Variants in CDIN1 observed in about 807,000 individuals in gnomAD.
CDIN1 encodes CDAN1 interacting nuclease 1.
A neutral mutation model predicts 45.3 loss-of-function variants in CDIN1; 33 were observed. That is an observed-to-expected ratio of 0.73 (90% confidence interval 0.55 to 0.97). The LOEUF (loss-of-function observed/expected upper bound fraction) is 0.97, where lower values mean the gene tolerates loss of function less well. CDIN1 is among the 50% of genes least tolerant of loss of function. CDIN1 has a pLI of 0.00. For missense variants in CDIN1, 303 were observed against 339.4 expected, an observed-to-expected ratio of 0.89 and a Z score of 0.84; for synonymous variants, 118 against 124.4, an observed-to-expected ratio of 0.95 and a Z score of 0.34.
chr15:36,787,773 C>T (rs1719341980), intron 10 of CDIN1, among the ~76,000 whole-genome samples: 1 of 151,672 alleles, frequency 6.6e-6, no homozygotes, highest in South Asian at 2.1e-4. Context: ...TGAAAAATGT[C>T]CTTTTGTTTT....
intron 5 of CDIN1, among the ~76,000 whole-genome samples, chr15:36,663,477 A>T (rs971044023): frequency 1.3e-5 from 2 of 152,124 alleles, no homozygotes; most frequent in African/African-American, 4.8e-5. Context: ...GAGGTAATTG[A>T]ATCATGGGGG....
intron 5 of CDIN1, among the ~76,000 whole-genome samples, chr15:36,672,927 G>C (rs1442032591): frequency 6.6e-6 from 1 of 152,006 alleles, no homozygotes; most frequent in Non-Finnish European, 1.5e-5. Context: ...TACCTGGCTT[G>C]ACAAGTATAC....
intron 10 of CDIN1, among the ~76,000 whole-genome samples, chr15:36,805,293 G>T (rs150100955): frequency 9.2e-5 from 14 of 152,204 alleles, no homozygotes; most frequent in South Asian, 2.1e-4. Flanking sequence ...TCAGATGTCC[G>T]TGGACACCCA....
At chr15:36,629,147 T>A (rs781652651) in intron 1 of CDIN1, among the ~76,000 whole-genome samples, 1 of 152,228 alleles carries the variant, frequency 6.6e-6, no homozygotes, top group Non-Finnish European at 1.5e-5. Context: ...ACTTCTGGCC[T>A]CCAGAACTGT....
At chr15:36,765,064 T>TC (rs2053881945) in intron 10 of CDIN1, among the ~76,000 whole-genome samples, 1 of 148,924 alleles carries the variant, frequency 6.7e-6, no homozygotes, top group East Asian at 2.0e-4. Context: ...TTTCTTTCTT[T>TC]TTTTTTTTTT....
intron 8 of CDIN1, among the ~76,000 whole-genome samples, chr15:36,703,352 A>G (rs1438319461): frequency 2.6e-5 from 2 of 76,830 alleles, no homozygotes; most frequent in Non-Finnish European, 5.0e-5. Flanking sequence ...AGATATATAC[A>G]TATATCAGAT....
intron 10 of CDIN1, among the ~76,000 whole-genome samples, chr15:36,800,587 A>C (rs1416521963): frequency 1.3e-5 from 2 of 152,146 alleles, no homozygotes; most frequent in African/African-American, 4.8e-5. Flanking sequence ...CAAGTGCATA[A>C]CCAATCTACA....
intron 10 of CDIN1, among the ~76,000 whole-genome samples, chr15:36,783,645 G>A (rs899480954): frequency 1.1e-4 from 17 of 152,162 alleles, no homozygotes; most frequent in African/African-American, 3.6e-4. Context: ...CCTCAGAGCT[G>A]TGATACACAT....
At chr15:36,607,101 A>G (rs2038413625) in intron 1 of CDIN1, among the ~76,000 whole-genome samples, 1 of 152,174 alleles carries the variant, frequency 6.6e-6, no homozygotes, top group African/African-American at 2.4e-5. Flanking sequence ...ACATTGTTAA[A>G]ATTTTAAGTG....
chr15:36,661,264 T>A (rs1247199617), intron 5 of CDIN1, among the ~76,000 whole-genome samples: 1 of 152,196 alleles, frequency 6.6e-6, no homozygotes, highest in Non-Finnish European at 1.5e-5. Flanking sequence ...ATCACAGACC[T>A]GGGTAAAAGC....
chr15:36,772,421 G>A (rs907219110), intron 10 of CDIN1, among the ~76,000 whole-genome samples: 1 of 152,134 alleles, frequency 6.6e-6, no homozygotes, highest in Non-Finnish European at 1.5e-5. Flanking sequence ...GATAAATTTA[G>A]TTCTTGAAGC....
At chr15:36,744,427 T>C (rs956974136) in intron 10 of CDIN1, among the ~76,000 whole-genome samples, 24 of 152,190 alleles carry the variant, frequency 1.6e-4, no homozygotes, top group Non-Finnish European at 3.1e-4. Flanking sequence ...CAAATTCACA[T>C]AAACTCCTTG....
chr15:36,751,496 C>G (rs1355060525), intron 10 of CDIN1, among the ~76,000 whole-genome samples: 2 of 150,778 alleles, frequency 1.3e-5, no homozygotes, highest in Non-Finnish European at 3.0e-5. Context: ...GAACTTGAGA[C>G]CAGCCTGGGC....
chr15:36,804,674 C>CTTTTTTTTTTTTTTTTT (rs3045810), intron 10 of CDIN1: 2 of 84,888 alleles, frequency 2.4e-5, no homozygotes, highest in African/African-American at 4.8e-5. Context: ...CAGAGAATCA[C>CTTTTTTTTTTTTTTTTT]TTTTTTTTTT....
chr15:36,721,954 G>C (rs1165456792), intron 10 of CDIN1, among the ~76,000 whole-genome samples: 1 of 152,004 alleles, frequency 6.6e-6, no homozygotes, highest in African/African-American at 2.4e-5. Context: ...GGGAAACTCT[G>C]TTAAGCTGGG....
chr15:36,614,960 C>T (rs1432932682), intron 1 of CDIN1, among the ~76,000 whole-genome samples: 2 of 151,938 alleles, frequency 1.3e-5, no homozygotes, highest in Non-Finnish European at 1.5e-5. Flanking sequence ...GTTGAGGTAA[C>T]CATTTAATTG....
At chr15:36,736,831 A>G (rs1421113114) in intron 10 of CDIN1, among the ~76,000 whole-genome samples, 1 of 152,122 alleles carries the variant, frequency 6.6e-6, no homozygotes, top group Non-Finnish European at 1.5e-5. Flanking sequence ...CCCTACTTCT[A>G]GCCAAACAAA....
chr15:36,664,773 C>G (rs1344664096), intron 5 of CDIN1, among the ~76,000 whole-genome samples: 6 of 152,190 alleles, frequency 3.9e-5, no homozygotes, highest in Non-Finnish European at 5.9e-5. Context: ...GTCTCGATCT[C>G]CTGACCTCGT....
At chr15:36,580,078 A>T in intron 1 of CDIN1, 117 bp downstream of exon 1, 1 of 826,508 alleles carries the variant, frequency 1.2e-6, no homozygotes, top group Non-Finnish European at 1.9e-6. Flanking sequence ...CACCAGTGTC[A>T]GGCGTTAGGA....
Sources: gnomAD v4.1 joint callset for allele counts (sites outside exome capture counted in the v4.1 genomes callset) on GRCh38, gnomAD v4.1.1 for gene constraint, MANE v1.5 for transcripts, NCBI Gene and HGNC (gene_info 2026-07-23, HGNC 2026-07-21) for gene names.